Variants in ZFP91 observed in about 807,000 individuals in gnomAD.
ZFP91 encodes E3 ubiquitin-protein ligase ZFP91.
ZFP91 carries 7 observed loss-of-function variants against 63.5 expected under a neutral mutation model. The observed-to-expected ratio is 0.11, with a 90% CI of 0.06 to 0.21. The LOEUF (loss-of-function observed/expected upper bound fraction) is 0.21, where lower values mean the gene tolerates loss of function less well. Ranked by LOEUF, ZFP91 falls within the 10% of genes least tolerant of loss-of-function variation. ZFP91 has a pLI of 1.00. For synonymous variants in ZFP91, 330 were observed against 272.1 expected (o/e 1.21, Z -2.10); for missense variants, 628 against 736.6 (o/e 0.85, Z 1.71).
chr11:58,603,409 A>G (rs1855522540), intron 2 of ZFP91, among the ~76,000 whole-genome samples: 1 of 152,238 alleles, frequency 6.6e-6, no homozygotes, highest in Non-Finnish European at 1.5e-5. Flanking sequence ...GACTTGGTAT[A>G]TAACTTGTGG....
intron 2 of ZFP91, among the ~76,000 whole-genome samples, chr11:58,600,518 C>T (rs560568267): frequency 3.3e-5 from 5 of 152,040 alleles, no homozygotes; most frequent in Non-Finnish European, 7.4e-5. Flanking sequence ...TATTCTGGCC[C>T]TTCGAATTTG....
At chr11:58,607,671 T>G (rs1855590720) in intron 2 of ZFP91, among the ~76,000 whole-genome samples, 1 of 152,284 alleles carries the variant, frequency 6.6e-6, no homozygotes, top group South Asian at 2.1e-4. Context: ...TAAAATAGCC[T>G]ATAGTCACCA....
chr11:58,621,445 A>G lies in ZFP91; in HGVS notation c.*3739A>G. Reference sequence around the variant, plus strand: ...TGATTTTTATTTTAAAAAAGAAAAAACTATAATCCTTCTGCCTTCCAAAAG... The same window carrying G: ...TGATTTTTATTTTAAAAAAGAAAAAGCTATAATCCTTCTGCCTTCCAAAAG... On this transcript the variant is annotated 3_prime_UTR_variant, in exon 11 of 11. Transcript: ENST00000316059. Among the ~76,000 whole-genome samples, 1 of 152,208 alleles carries G rather than the reference A, an allele frequency of 6.6e-6. No individual in the cohort carries two copies. Among genetic ancestry groups the G allele is most frequent in the Non-Finnish European group, 1.5e-5 (1 of 68,040 alleles).
chr11:58,581,420 C>T (rs1348897408), intron 1 of ZFP91, among the ~76,000 whole-genome samples: 1 of 152,148 alleles, frequency 6.6e-6, no homozygotes, highest in Non-Finnish European at 1.5e-5. Context: ...AGCAGTGCCA[C>T]GATGATCTCT....
At position 58,592,366 on chromosome 11, in the gene ZFP91, C is replaced by T. The variant is rs550915821; in HGVS notation, c.370+7482C>T. Among the ~76,000 whole-genome samples, 252 of 152,224 alleles carry T rather than the reference C, an allele frequency of 1.7e-3. 1 individual carries two copies. The highest frequency in any genetic ancestry group is 3.2e-3 in the Non-Finnish European group (219 of 68,010). ...CCTCCCAAAGTGCTGGGATTATAGG[C>T]ATGATCCACCGTGTCCAGTCTGCAC... On this transcript the variant is annotated intron_variant, in intron 2 of 10. Transcript: ENST00000316059.
intron 2 of ZFP91, among the ~76,000 whole-genome samples, chr11:58,603,689 A>AT (rs1487191607): frequency 6.6e-6 from 1 of 152,162 alleles, no homozygotes; most frequent in African/African-American, 2.4e-5. Flanking sequence ...TGGCAGGGCT[A>AT]TTTCCCCAGT....
chr11:58,603,157 A>G (rs372302977), intron 2 of ZFP91, among the ~76,000 whole-genome samples: 1 of 152,222 alleles, frequency 6.6e-6, no homozygotes, highest in Non-Finnish European at 1.5e-5. Flanking sequence ...ATTGTGTTCT[A>G]TCATTGGGTA....
chr11:58,596,169 A>T (rs974550842), intron 2 of ZFP91, among the ~76,000 whole-genome samples: 10 of 152,176 alleles, frequency 6.6e-5, no homozygotes, highest in Admixed American at 6.5e-4. Context: ...AAAAAACCAT[A>T]AGGAAGAGAA....
chr11:58,582,428 G>A (rs768916842), intron 1 of ZFP91, among the ~76,000 whole-genome samples: 1 of 152,106 alleles, frequency 6.6e-6, no homozygotes, highest in Non-Finnish European at 1.5e-5. Flanking sequence ...ACTTGTTCGC[G>A]CTAGTCCTTT....
intron 1 of ZFP91, 29 bp downstream of exon 1, chr11:58,579,651 A>G: frequency 1.3e-6 from 2 of 1,524,220 alleles, no homozygotes; most frequent in East Asian, 2.7e-5. Flanking sequence ...GGCGGTGGGA[A>G]AGACCCCCCT....
At chr11:58,612,913 T>C in intron 8 of ZFP91, 73 bp downstream of exon 8, 1 of 1,338,120 alleles carries the variant, frequency 7.5e-7, no homozygotes, top group Non-Finnish European at 1.1e-6. Flanking sequence ...GAGACTTTAA[T>C]TTGTTGGCTT....
intron 8 of ZFP91, 111 bp downstream of exon 8, chr11:58,612,951 G>A: frequency 2.3e-6 from 2 of 870,696 alleles, no homozygotes; most frequent in Non-Finnish European, 3.6e-6. Context: ...GACATGTAAT[G>A]TCAAGAAAAG....
chr11:58,612,945 T>C (rs1484669117), intron 8 of ZFP91, 105 bp downstream of exon 8: 6 of 963,314 alleles, frequency 6.2e-6, no homozygotes, highest in South Asian at 4.8e-5. Context: ...ATCATTGACA[T>C]GTAATGTCAA....
At chr11:58,580,201 A>G (rs535471867) in intron 1 of ZFP91, among the ~76,000 whole-genome samples, 3 of 151,740 alleles carry the variant, frequency 2.0e-5, no homozygotes, top group Non-Finnish European at 2.9e-5. Flanking sequence ...GATTTTAAGT[A>G]TGGAGTCTTT....
At chr11:58,612,928 A>C (rs1855690947) in intron 8 of ZFP91, 88 bp downstream of exon 8, 1 of 1,160,018 alleles carries the variant, frequency 8.6e-7, no homozygotes, top group African/African-American at 1.6e-5. Context: ...TGGCTTGTGT[A>C]GGCTTTATCA....
chr11:58,617,139 T>TA lies in ZFP91; in HGVS notation c.1203-55dup. 1 of 1,495,234 alleles carries TA rather than the reference T, an allele frequency of 6.7e-7. No individual in the cohort carries two copies. The highest frequency in any genetic ancestry group is 1.3e-5 in the South Asian group (1 of 74,752). The allele number at this position is 1,495,234 out of a possible 1,614,324, so 92.6% of individuals were successfully genotyped here. On this transcript the variant is annotated intron_variant, in intron 10 of 10. Transcript: ENST00000316059. This position sits in a 1 kb window ranked among gnomAD's most constrained non-coding sequence, Gnocchi z 4.2. Reference sequence around the variant, plus strand: ...TCTAAACTCTAACCCTGATCCTGAATAAGAGCACTCTTTATTTCTCTGTTG... The same window carrying TA: ...TCTAAACTCTAACCCTGATCCTGAATAAAGAGCACTCTTTATTTCTCTGTTG...
In ZFP91 at chr11:58,579,108, CA is replaced by C; in HGVS notation, c.-173del. The C allele has an allele frequency of 2.7e-6, 1 of 371,290 alleles. No homozygotes were observed. Among genetic ancestry groups the C allele is most frequent in the South Asian group, 6.0e-5 (1 of 16,604 alleles). The allele number at this position is 371,290 out of a possible 1,614,324, so 23.0% of individuals were successfully genotyped here. A position where few individuals can be genotyped will look rare whatever the true frequency, so the allele number is the denominator to read the frequency against. On this transcript the variant is annotated 5_prime_UTR_variant, in exon 1 of 11. Coordinates refer to ENST00000316059, the MANE Select transcript of ZFP91 (RefSeq NM_053023.5). The stretch of plus-strand genomic sequence containing the variant: ...GCCAGCGGTAGCGGACCTTGAGTGG[CA>C]GGGGGTGGGGGGGGCGCCCTCGGAG...
chr11:58,612,304 A>C lies in ZFP91; in HGVS notation c.884A>C (p.Lys295Thr), dbSNP rs774645473. ...AGAGGAAGAAGACGAAAAGATGACAAAAGTCCACGTTTACCCAAAAGGAGG... is the reference window on the plus strand; with the variant it reads ...AGAGGAAGAAGACGAAAAGATGACACAAGTCCACGTTTACCCAAAAGGAGG... ...RKRGRRRKDD[K>T]SPRLPKRRKK... Residue 295 changes from lysine (K) to threonine (T), a missense_variant, in exon 7 of 11, where the codon AAA (lysine) becomes ACA (threonine). Coordinates refer to ENST00000316059, the MANE Select transcript of ZFP91 (RefSeq NM_053023.5). 9.3e-6 allele frequency: 15 copies of C among 1,613,744 alleles called. No individual in the cohort carries two copies. Among genetic ancestry groups the C allele is most frequent in the Non-Finnish European group, 1.2e-5 (14 of 1,179,768 alleles).
At position 58,579,464 on chromosome 11, in the gene ZFP91, GGCCGCCGCC is replaced by G; in HGVS notation, c.189_197del (p.Ala65_Ala67del). ...GTCGGGACCGAGGCCGGGCCGCTGCGGCCGCCGCCGCCGCAGCTGTGTCCCGCCGGAGGA... is the reference window on the plus strand; with the variant it reads ...GTCGGGACCGAGGCCGGGCCGCTGCGGCCGCAGCTGTGTCCCGCCGGAGGA... On this transcript the variant is annotated inframe_deletion, in exon 1 of 11. Transcript: ENST00000316059. 1.4e-6 allele frequency: 2 copies of G among 1,461,054 alleles called. No individual in the cohort carries two copies. Among genetic ancestry groups the G allele is most frequent in the South Asian group, 1.4e-5 (1 of 73,380 alleles). The allele number at this position is 1,461,054 out of a possible 1,614,324, so 90.5% of individuals were successfully genotyped here.
Sources: allele counts gnomAD v4.1 joint callset (sites outside exome capture counted in the v4.1 genomes callset), GRCh38; gene constraint gnomAD v4.1.1; non-coding constraint Gnocchi (gnomAD v3.1); transcripts MANE v1.5; gene names NCBI Gene and HGNC (gene_info 2026-07-23, HGNC 2026-07-21).